The following PRR12 variants were observed in gnomAD, a reference collection of about 807,000 sequenced individuals.
PRR12 encodes proline rich 12, also known as proline-rich protein 12.
PRR12 carries 12 observed loss-of-function variants against 138.0 expected under a neutral mutation model. The ratio of observed to expected loss-of-function variants is 0.09; its 90% CI spans 0.06 to 0.14. The LOEUF (loss-of-function observed/expected upper bound fraction) is 0.14. Ranked by LOEUF, PRR12 falls within the 10% of genes least tolerant of loss-of-function variation. PRR12 has a pLI of 1.00. For missense variants in PRR12, 2,692 were observed against 2,861.3 expected, an observed-to-expected ratio of 0.94 and a Z score of 1.35; for synonymous variants, 1,567 against 1,291.7, an observed-to-expected ratio of 1.21 and a Z score of -4.57.
rs187349718 is a variant in PRR12 at position 49,614,810 on chromosome 19, C to T, written c.4891-66C>T. 745 of 1,607,536 alleles carry T rather than the reference C, an allele frequency of 4.6e-4. 1 individual carries two copies. The highest frequency in any genetic ancestry group is 4.9e-4 in the Non-Finnish European group (570 of 1,175,174). On this transcript the variant is annotated intron_variant, in intron 7 of 13. Coordinates refer to ENST00000418929, the MANE Select transcript of PRR12 (RefSeq NM_020719.3). The surrounding 1 kb of genome is among the most constrained non-coding windows in gnomAD (Gnocchi z 5.0). ...GCAGCTGCCATGGTGGCCCAGGGCA[C>T]GGGGGTGTTGGCCATCTGGCTGGGC...
intron 2 of PRR12, among the ~76,000 whole-genome samples, chr19:49,593,724 C>T (rs891141028): frequency 3.9e-5 from 6 of 152,170 alleles, no homozygotes; most frequent in African/African-American, 1.2e-4. Flanking sequence ...CGCCTCTCCC[C>T]AACCCACCCC....
At chr19:49,600,279 G>C (rs2080802801) in intron 5 of PRR12, among the ~76,000 whole-genome samples, 1 of 151,808 alleles carries the variant, frequency 6.6e-6, no homozygotes, top group South Asian at 2.1e-4. Flanking sequence ...TGAGTCAACT[G>C]TGTGTGAAGG....
chr19:49,592,723 C>T (rs1277389313), intron 1 of PRR12, among the ~76,000 whole-genome samples: 6 of 152,118 alleles, frequency 3.9e-5, no homozygotes, highest in Non-Finnish European at 1.5e-5. Context: ...GCATTTGAAC[C>T]TCAACCCCCG....
At chr19:49,622,620 G>A (rs539932547) in intron 11 of PRR12, among the ~76,000 whole-genome samples, 144 of 143,692 alleles carry the variant, frequency 1.0e-3, no homozygotes, top group African/African-American at 3.4e-3. Flanking sequence ...GGCCAGGCGC[G>A]GTGGCTCACG....
Position 49,596,201 on chromosome 19 carries a change from G to A in PRR12, c.1866G>A (p.Ser622=), listed in dbSNP as rs760157567. 13 of 1,610,910 alleles carry A rather than the reference G, an allele frequency of 8.1e-6. No individual in the cohort carries two copies. The highest frequency in any genetic ancestry group is 6.7e-5 in the East Asian group (3 of 44,876). Residue 622 remains serine, a synonymous_variant, in exon 4 of 14, where the codon TCG becomes TCA. Transcript: ENST00000418929. This position sits in a 1 kb window ranked among gnomAD's most constrained non-coding sequence, Gnocchi z 5.6. The part of the protein sequence containing the change: ...AGGYKGKGDG[S]ELLAGPGGPP... Reference sequence around the variant, plus strand: ...GCTACAAGGGCAAGGGGGATGGCTCGGAGCTGCTGGCGGGCCCAGGTGGGC... The same window carrying A: ...GCTACAAGGGCAAGGGGGATGGCTCAGAGCTGCTGGCGGGCCCAGGTGGGC...
Position 49,626,293 on chromosome 19 carries a change from TC to T in PRR12, c.*690del, listed in dbSNP as rs2080955669. 1 of 150,600 alleles carries T rather than the reference TC, an allele frequency of 6.6e-6. No individual in the cohort carries two copies. Among genetic ancestry groups the T allele is most frequent in the South Asian group, 2.1e-4 (1 of 4,730 alleles). The allele number at this position is 150,600 out of a possible 1,614,324, so 9.3% of individuals were successfully genotyped here. On this transcript the variant is annotated 3_prime_UTR_variant, in exon 14 of 14. Transcript: ENST00000418929. ...GGTTCTATTTTTTATCGGTCTCCTT[TC>T]CCCTCCTCCCCGTTCTCGCCCCCGC...
At chr19:49,624,702 C>T (rs1490446989) in intron 11 of PRR12, 142 bp from the exon 12 acceptor site, 4 of 1,283,850 alleles carry the variant, frequency 3.1e-6, no homozygotes, top group East Asian at 2.6e-5. Flanking sequence ...GGCCCAGCCT[C>T]CTCTGTCCTT....
chr19:49,599,294 C>T lies in PRR12; in HGVS notation c.3701C>T (p.Ala1234Val). ...PLKIKLSVPK[A>V]GEGLGTSSGD... ...TAGATCAAGCTGTCTGTGCCCAAGG[C>T]TGGCGAGGGTCTGGGAACCTCATCG... The change falls in exon 5 of 14, where the codon GCT (alanine) becomes GTT (valine). Residue 1234 changes from alanine to valine, a missense_variant. By Grantham distance (64) the Ala-to-Val change is moderately conservative (BLOSUM62 0). Around this residue, in one of 11 missense-constraint regions of PRR12, gnomAD observed 326 missense variants for 344.2 expected, o/e 0.95. Transcript: ENST00000418929. This position sits in a 1 kb window ranked among gnomAD's most constrained non-coding sequence, Gnocchi z 5.0. The T allele has an allele frequency of 6.2e-7, 1 of 1,606,936 alleles. No individual in the cohort carries two copies. Among genetic ancestry groups the T allele is most frequent in the Non-Finnish European group, 8.5e-7 (1 of 1,176,036 alleles).
In PRR12 at chr19:49,620,370, G is replaced by A. The variant is rs373493220; in HGVS notation, c.5516G>A (p.Arg1839His). The change falls in exon 10 of 14, where the codon CGT becomes CAT. Residue 1839 changes from arginine to histidine, a missense_variant. Arg to His is a conservative substitution (Grantham distance 29). Transcript: ENST00000418929. The stretch of plus-strand genomic sequence containing the variant: ...TCTGCAGAGCGGGCAGTACCTGGGC[G>A]TCTGCTCAAAACCAGGGCGATGCGG... ...PSEDERAVPG[R>H]LLKTRAMREM... is the part of the protein sequence containing the mutation. 8.1e-6 allele frequency: 13 copies of A among 1,612,926 alleles called. No individual in the cohort carries two copies. Among genetic ancestry groups the A allele is most frequent in the East Asian group, 4.5e-5 (2 of 44,864 alleles).
chr19:49,622,290 A>G (rs903979819), intron 11 of PRR12, among the ~76,000 whole-genome samples: 11 of 152,260 alleles, frequency 7.2e-5, no homozygotes, highest in African/African-American at 2.6e-4. Context: ...CTTAGAAAAT[A>G]CGCAGGAAGG....
chr19:49,622,452 C>T (rs185149565), intron 11 of PRR12, among the ~76,000 whole-genome samples: 136 of 151,752 alleles, frequency 9.0e-4, no homozygotes, highest in African/African-American at 3.2e-3. Flanking sequence ...ATTAGCTGGG[C>T]GTGGTGGTGG....
chr19:49,615,022 G>A lies in PRR12; in HGVS notation c.5024+13G>A. On this transcript the variant is annotated intron_variant, in intron 8 of 13. Coordinates refer to ENST00000418929, the MANE Select transcript of PRR12 (RefSeq NM_020719.3). ...CAGTGCCAGTCAGGTACCAACCATGGGGGACACAGGGGCAGGTAGTATGTA... is the reference window on the plus strand; with the variant it reads ...CAGTGCCAGTCAGGTACCAACCATGAGGGACACAGGGGCAGGTAGTATGTA... The A allele has an allele frequency of 1.9e-6, 3 of 1,613,682 alleles. No individual in the cohort carries two copies. The highest frequency in any genetic ancestry group is 2.5e-6 in the Non-Finnish European group (3 of 1,179,834).
Position 49,597,549 on chromosome 19 carries a change from C to A in PRR12, c.3214C>A (p.Leu1072Met). ...CTTCTGCTCTACCAAGCCAAAGAAG[C>A]TGCTCAAGACATCCTCCTTCCACCT... Reference protein sequence around the residue: ...PIFCSTKPKKLLKTSSFHLLR... With the variant: ...PIFCSTKPKKMLKTSSFHLLR... Residue 1072 changes from leucine (L) to methionine (M), a missense_variant, in exon 4 of 14, where the codon CTG (leucine) becomes ATG (methionine). Around this residue, in one of 11 missense-constraint regions of PRR12, gnomAD observed 840 missense variants for 689.8 expected, o/e 1.22. Coordinates refer to ENST00000418929, the MANE Select transcript of PRR12 (RefSeq NM_020719.3). This position sits in a 1 kb window ranked among gnomAD's most constrained non-coding sequence, Gnocchi z 6.3. 4 of 1,584,956 alleles carry A rather than the reference C, an allele frequency of 2.5e-6. No homozygotes were observed. Among genetic ancestry groups the A allele is most frequent in the Non-Finnish European group, 3.4e-6 (4 of 1,167,828 alleles).
chr19:49,593,533 C>G, intron 2 of PRR12, 94 bp downstream of exon 2: 2 of 635,822 alleles, frequency 3.1e-6, no homozygotes, highest in Non-Finnish European at 5.6e-6. Context: ...TCCTAATTGG[C>G]CGTGGCCCGT....
At position 49,594,506 on chromosome 19, in the gene PRR12, C is replaced by G; in HGVS notation, c.252C>G (p.Pro84=). 1.2e-6 allele frequency: 2 copies of G among 1,613,338 alleles called. No individual in the cohort carries two copies. The highest frequency in any genetic ancestry group is 1.7e-6 in the Non-Finnish European group (2 of 1,179,754). ...TCCACCACGCGGGCTCAGCAGGGCC[C>G]GACGCCTCCGTCATGAACCTTATCT... ...TGLHHAGSAG[P]DASVMNLISA... is the part of the protein sequence containing the mutation. The change falls in exon 3 of 14, where the codon CCC becomes CCG. Residue 84 remains proline (P), a synonymous_variant. Coordinates refer to ENST00000418929, the MANE Select transcript of PRR12 (RefSeq NM_020719.3). This position sits in a 1 kb window ranked among gnomAD's most constrained non-coding sequence, Gnocchi z 5.6.
Position 49,594,397 on chromosome 19 carries a change from C to T in PRR12, c.200-57C>T, listed in dbSNP as rs2080749974. Reference sequence around the variant, plus strand: ...TGCTTTTGGCCTCTTCCCTTTCTCTCTTGACTGTATCCTACCCACCCCCAC... The same window carrying T: ...TGCTTTTGGCCTCTTCCCTTTCTCTTTTGACTGTATCCTACCCACCCCCAC... On this transcript the variant is annotated intron_variant, in intron 2 of 13. Coordinates refer to ENST00000418929, the MANE Select transcript of PRR12 (RefSeq NM_020719.3). This position sits in a 1 kb window ranked among gnomAD's most constrained non-coding sequence, Gnocchi z 5.6. 1 of 1,479,602 alleles carries T rather than the reference C, an allele frequency of 6.8e-7. No homozygotes were observed. The highest frequency in any genetic ancestry group is 2.3e-5 in the East Asian group (1 of 43,484). 91.7% of individuals were successfully genotyped at this position (1,479,602 alleles called of 1,614,324 possible).
Position 49,597,660 on chromosome 19 carries a change from G to C in PRR12, c.3325G>C (p.Asp1109His). 6.2e-7 allele frequency: 1 copy of C among 1,605,326 alleles called. No individual in the cohort carries two copies. The highest frequency in any genetic ancestry group is 8.5e-7 in the Non-Finnish European group (1 of 1,176,936). Residue 1109 changes from aspartate to histidine, a missense_variant, in exon 4 of 14, where the codon GAT becomes CAT. Asp to His is a moderately conservative substitution (Grantham distance 81). This residue lies in a region of PRR12 where 840 missense variants were observed against 689.8 expected (regional missense o/e 1.22). Transcript: ENST00000418929. This position sits in a 1 kb window ranked among gnomAD's most constrained non-coding sequence, Gnocchi z 6.3. ...GTTCGAGGCGGACGAGGACAAGGCCGATGTTCCCGCCGACATCCGCCTCAA... is the reference window on the plus strand; with the variant it reads ...GTTCGAGGCGGACGAGGACAAGGCCCATGTTCCCGCCGACATCCGCCTCAA... ...YEFEADEDKADVPADIRLNPR... is the reference protein window; with the variant it reads ...YEFEADEDKAHVPADIRLNPR...
chr19:49,591,790 A>AGCCGG lies in PRR12; in HGVS notation c.86+74_86+78dup, dbSNP rs146415405. 370 of 1,069,970 alleles carry AGCCGG rather than the reference A, an allele frequency of 3.5e-4. 1 individual carries two copies. The highest frequency in any genetic ancestry group is 9.6e-4 in the Middle Eastern group (3 of 3,136). 66.3% of individuals were successfully genotyped at this position (1,069,970 alleles called of 1,614,324 possible). The stretch of plus-strand genomic sequence containing the variant: ...GAAGGGGGCCAAGGGGTGGGAGCCC[A>AGCCGG]GCCGGGCCGGGCCGGGCCGGGCCGG... On this transcript the variant is annotated intron_variant, in intron 1 of 13. Coordinates refer to ENST00000418929, the MANE Select transcript of PRR12 (RefSeq NM_020719.3).
rs1167550917 is a variant in PRR12, at chr19:49,595,885, C to T, written c.1550C>T (p.Pro517Leu). 2 of 1,603,424 alleles carry T rather than the reference C, an allele frequency of 1.2e-6. No homozygotes were observed. Among genetic ancestry groups the T allele is most frequent in the African/African-American group, 1.3e-5 (1 of 74,884 alleles). ...YGVQGEPYPG[P>L]AAHSQGLPTA... Reference sequence around the variant, plus strand: ...GTGCAGGGCGAGCCATACCCAGGGCCAGCCGCCCACTCCCAGGGGCTGCCC... The same window carrying T: ...GTGCAGGGCGAGCCATACCCAGGGCTAGCCGCCCACTCCCAGGGGCTGCCC... Residue 517 changes from proline (P) to leucine (L), a missense_variant, in exon 4 of 14, where the codon CCA (proline) becomes CTA (leucine). Pro to Leu is a moderately conservative substitution (Grantham distance 98). Coordinates refer to ENST00000418929, the MANE Select transcript of PRR12 (RefSeq NM_020719.3).
Sources: allele counts gnomAD v4.1 joint callset (sites outside exome capture counted in the v4.1 genomes callset), GRCh38; gene constraint gnomAD v4.1.1; regional missense constraint gnomAD v4.1.1; non-coding constraint Gnocchi (gnomAD v3.1); transcripts MANE v1.5; gene names NCBI Gene and HGNC (gene_info 2026-07-23, HGNC 2026-07-21).